Variants in GPC5 observed in about 807,000 individuals in gnomAD.
GPC5 encodes glypican 5.
Under a neutral mutation model 53.9 loss-of-function variants are expected in GPC5, and 47 were observed. The ratio of observed to expected loss-of-function variants is 0.87; its 90% CI spans 0.69 to 1.11. The LOEUF (loss-of-function observed/expected upper bound fraction) is 1.11. Ranked by LOEUF, GPC5 falls within the 50% of genes most tolerant of loss-of-function variation. GPC5 has a pLI of 0.00. For synonymous variants in GPC5, 286 were observed against 263.3 expected, an observed-to-expected ratio of 1.09 and a Z score of -0.84; for missense variants, 748 against 713.1, an observed-to-expected ratio of 1.05 and a Z score of -0.56.
intron 6 of GPC5, among the ~76,000 whole-genome samples, chr13:92,098,685 A>G (rs1023598688): frequency 6.6e-6 from 1 of 152,210 alleles, no homozygotes; most frequent in Non-Finnish European, 1.5e-5. Context: ...GTGGTTAAAC[A>G]GCTGACTTTA....
At chr13:92,317,423 A>AT (rs2043186577) in intron 7 of GPC5, among the ~76,000 whole-genome samples, 1 of 151,980 alleles carries the variant, frequency 6.6e-6, no homozygotes, top group Admixed American at 6.6e-5. Context: ...AGAAGAGAAG[A>AT]TTTTATGTGA....
At chr13:92,669,199 C>T (rs921692935) in intron 7 of GPC5, among the ~76,000 whole-genome samples, 4 of 152,104 alleles carry the variant, frequency 2.6e-5, no homozygotes, top group Admixed American at 2.0e-4. Flanking sequence ...TAATCAAGAA[C>T]TCCGCTAAGC....
intron 2 of GPC5, among the ~76,000 whole-genome samples, chr13:91,628,118 A>C (rs191038504): frequency 6.6e-6 from 1 of 152,096 alleles, no homozygotes; most frequent in African/African-American, 2.4e-5. Context: ...GAAGTTAACT[A>C]TTTGTTTTGG....
intron 2 of GPC5, among the ~76,000 whole-genome samples, chr13:91,504,431 A>G (rs1239850830): frequency 6.6e-6 from 1 of 152,132 alleles, no homozygotes; most frequent in African/African-American, 2.4e-5. Context: ...TTGAAGTTAT[A>G]GTTATTAGAC....
intron 7 of GPC5, among the ~76,000 whole-genome samples, chr13:92,159,313 G>C (rs1292560421): frequency 6.6e-6 from 1 of 152,140 alleles, no homozygotes; most frequent in Non-Finnish European, 1.5e-5. Context: ...TCAAAGCAGA[G>C]AGTCACTCCC....
chr13:92,657,068 C>A (rs1886161443), intron 7 of GPC5, among the ~76,000 whole-genome samples: 2 of 152,124 alleles, frequency 1.3e-5, no homozygotes, highest in Non-Finnish European at 2.9e-5. Flanking sequence ...GTAAAAGACA[C>A]AATTTTAAGT....
intron 1 of GPC5, among the ~76,000 whole-genome samples, chr13:91,448,010 C>T (rs1451275038): frequency 2.0e-5 from 3 of 152,030 alleles, no homozygotes; most frequent in Non-Finnish European, 4.4e-5. Context: ...GTCCTGGGTC[C>T]CTACCAGGAT....
chr13:92,538,923 CAT>C (rs1196718935), intron 7 of GPC5, among the ~76,000 whole-genome samples: 2 of 22,494 alleles, frequency 8.9e-5, no homozygotes, highest in Non-Finnish European at 1.5e-4. Context: ...ATATATACAC[CAT>C]ATATATATAC....
chr13:92,437,714 T>C (rs938207522), intron 7 of GPC5, among the ~76,000 whole-genome samples: 1 of 152,086 alleles, frequency 6.6e-6, no homozygotes, highest in African/African-American at 2.4e-5. Context: ...TGTGTTTAAC[T>C]GGACTCAATT....
intron 7 of GPC5, among the ~76,000 whole-genome samples, chr13:92,712,767 G>T (rs749000845): frequency 1.3e-5 from 2 of 152,142 alleles, no homozygotes; most frequent in Non-Finnish European, 2.9e-5. Context: ...TTGAGATAGG[G>T]CCTTTAAAGA....
chr13:92,809,618 T>C (rs1438656493), intron 7 of GPC5, among the ~76,000 whole-genome samples: 1 of 152,160 alleles, frequency 6.6e-6, no homozygotes, highest in African/African-American at 2.4e-5. Context: ...TTTTTAAAAT[T>C]TGTAATTGTT....
chr13:92,774,920 C>A (rs903083655), intron 7 of GPC5, among the ~76,000 whole-genome samples: 1 of 152,058 alleles, frequency 6.6e-6, no homozygotes, highest in East Asian at 1.9e-4. Context: ...TGTCTCCTGT[C>A]CAACATTGAC....
chr13:91,670,186 A>G (rs984315119), intron 2 of GPC5, among the ~76,000 whole-genome samples: 3 of 152,188 alleles, frequency 2.0e-5, no homozygotes, highest in African/African-American at 7.2e-5. Context: ...AGAGCTTTAA[A>G]TGCCAGGATA....
intron 7 of GPC5, among the ~76,000 whole-genome samples, chr13:92,411,499 A>C (rs1476623398): frequency 6.6e-6 from 1 of 152,192 alleles, no homozygotes; most frequent in Non-Finnish European, 1.5e-5. Context: ...CCCTTCTGCC[A>C]CCAATGGGAA....
chr13:91,560,239 C>G (rs1166163749), intron 2 of GPC5, among the ~76,000 whole-genome samples: 3 of 152,094 alleles, frequency 2.0e-5, no homozygotes, highest in Non-Finnish European at 2.9e-5. Context: ...ACATGTGTAT[C>G]TCCTACAAGG....
intron 6 of GPC5, among the ~76,000 whole-genome samples, chr13:92,093,996 A>G (rs1301763606): frequency 1.3e-5 from 2 of 152,224 alleles, no homozygotes; most frequent in Non-Finnish European, 2.9e-5. Flanking sequence ...AAATTGGTTG[A>G]ATGACATGTC....
At chr13:92,299,947 G>A (rs2043064023) in intron 7 of GPC5, among the ~76,000 whole-genome samples, 1 of 152,266 alleles carries the variant, frequency 6.6e-6, no homozygotes, top group East Asian at 1.9e-4. Flanking sequence ...TTGTGAGGAT[G>A]TTCTGTAAGG....
At chr13:91,520,803 T>C (rs916914492) in intron 2 of GPC5, among the ~76,000 whole-genome samples, 2 of 152,034 alleles carry the variant, frequency 1.3e-5, no homozygotes, top group East Asian at 3.8e-4. Flanking sequence ...AACTTATTTT[T>C]AAACAACAAT....
At chr13:92,517,763 A>G (rs531229076) in intron 7 of GPC5, among the ~76,000 whole-genome samples, 2 of 152,216 alleles carry the variant, frequency 1.3e-5, no homozygotes, top group African/African-American at 4.8e-5. Context: ...AATTCTAAAA[A>G]TCAGAGCACC....
Sources: allele counts gnomAD v4.1 joint callset (sites outside exome capture counted in the v4.1 genomes callset), GRCh38; gene constraint gnomAD v4.1.1; transcripts MANE v1.5; gene names NCBI Gene and HGNC (gene_info 2026-07-23, HGNC 2026-07-21).